SLCO3A1: variants seen among roughly 807,000 people sequenced by gnomAD.
SLCO3A1 encodes PGE1 transporter.
In SLCO3A1, 27 loss-of-function variants were observed where a neutral mutation model predicts 63.1. The ratio of observed to expected loss-of-function variants is 0.43; its 90% CI spans 0.32 to 0.59. The LOEUF (loss-of-function observed/expected upper bound fraction) is 0.59, where lower values mean the gene tolerates loss of function less well. Among genes scored for constraint, SLCO3A1 ranks in the 20% least tolerant of loss-of-function variants. The pLI, the probability that SLCO3A1 is intolerant of heterozygous loss-of-function variation, is 0.09. For missense variants in SLCO3A1, 773 were observed against 945.8 expected (o/e 0.82, Z 2.40); for synonymous variants, 473 against 409.9 (o/e 1.15, Z -1.86).
chr15:91,901,071 G>T (rs1286129928), intron 1 of SLCO3A1, among the ~76,000 whole-genome samples: 1 of 151,266 alleles, frequency 6.6e-6, no homozygotes. Flanking sequence ...TCTTTTTTTT[G>T]TTCCTTTGTT....
chr15:92,164,303 T>C lies in SLCO3A1; in HGVS notation c.*1168T>C. On this transcript the variant is annotated 3_prime_UTR_variant, in exon 10 of 10. Coordinates refer to ENST00000318445, the MANE Select transcript of SLCO3A1 (RefSeq NM_013272.4). ...TCTACAAAAACAAGAATATACAATG[T>C]GTTACAAGAAGAAAAAAAAATGCTT... 1.0e-6 allele frequency: 1 copy of C among 984,686 alleles called. No homozygotes were observed. The highest frequency in any genetic ancestry group is 1.2e-6 in the Non-Finnish European group (1 of 829,286). 61.0% of individuals were successfully genotyped at this position (984,686 alleles called of 1,614,324 possible).
chr15:92,015,769 TG>T (rs2046419155), intron 2 of SLCO3A1, among the ~76,000 whole-genome samples: 1 of 152,288 alleles, frequency 6.6e-6, no homozygotes, highest in African/African-American at 2.4e-5. Flanking sequence ...GTCCAGTCCC[TG>T]CTTGCTGGTG....
intron 2 of SLCO3A1, among the ~76,000 whole-genome samples, chr15:91,952,866 A>T (rs1900044501): frequency 6.6e-6 from 1 of 152,140 alleles, no homozygotes; most frequent in Non-Finnish European, 1.5e-5. Context: ...TGACCGCATC[A>T]CACTGCTGTG....
chr15:91,898,972 T>A (rs1597101539), intron 1 of SLCO3A1, among the ~76,000 whole-genome samples: 2 of 152,260 alleles, frequency 1.3e-5, no homozygotes, highest in East Asian at 3.9e-4. Context: ...TAGTTCTGTC[T>A]TTGGGATGAA....
At chr15:91,972,190 A>G (rs983507303) in intron 2 of SLCO3A1, among the ~76,000 whole-genome samples, 15 of 152,290 alleles carry the variant, frequency 9.8e-5, no homozygotes, top group African/African-American at 1.4e-4. Flanking sequence ...TTGAAGTCGT[A>G]TGGAGAAGTC....
chr15:91,895,797 G>A (rs751172213), intron 1 of SLCO3A1, among the ~76,000 whole-genome samples: 38 of 152,272 alleles, frequency 2.5e-4, no homozygotes, highest in African/African-American at 7.0e-4. Flanking sequence ...GGCATTTATC[G>A]TTACAGGTTA....
chr15:92,097,771 G>A (rs1169355608), intron 3 of SLCO3A1, among the ~76,000 whole-genome samples: 1 of 152,180 alleles, frequency 6.6e-6, no homozygotes, highest in East Asian at 1.9e-4. Flanking sequence ...TACCGGTAGA[G>A]GGCAGAAGAA....
At chr15:92,049,374 G>T (rs1408667778) in intron 2 of SLCO3A1, among the ~76,000 whole-genome samples, 1 of 152,160 alleles carries the variant, frequency 6.6e-6, no homozygotes, top group African/African-American at 2.4e-5. Context: ...TCAATAAGCG[G>T]TGTGTGTTCA....
intron 1 of SLCO3A1, among the ~76,000 whole-genome samples, chr15:91,878,435 A>G (rs1404447978): frequency 6.6e-6 from 1 of 152,166 alleles, no homozygotes; most frequent in Non-Finnish European, 1.5e-5. Flanking sequence ...TGTCCTTGGT[A>G]GTAGCCAAAT....
At chr15:91,961,175 C>G (rs567808914) in intron 2 of SLCO3A1, among the ~76,000 whole-genome samples, 1 of 152,296 alleles carries the variant, frequency 6.6e-6, no homozygotes, top group South Asian at 2.1e-4. Flanking sequence ...CAATTTATCT[C>G]CTAATTGCAT....
chr15:92,119,610 T>G (rs1242365086), intron 4 of SLCO3A1, among the ~76,000 whole-genome samples: 1 of 151,840 alleles, frequency 6.6e-6, no homozygotes, highest in Non-Finnish European at 1.5e-5. Context: ...GGGGTGGACC[T>G]GGGTGCAGGC....
chr15:92,050,935 A>G (rs113744651), intron 2 of SLCO3A1, among the ~76,000 whole-genome samples: 3,399 of 152,148 alleles, frequency 0.022, 116 homozygotes, highest in African/African-American at 0.078. Flanking sequence ...TTCCCTCCAC[A>G]GGTGACACTC....
chr15:92,074,512 G>C (rs935975916), intron 2 of SLCO3A1, among the ~76,000 whole-genome samples: 1 of 152,174 alleles, frequency 6.6e-6, no homozygotes, highest in Non-Finnish European at 1.5e-5. Context: ...CAGGTGATCT[G>C]CCCAGGTGAA....
chr15:92,163,608 C>G lies in SLCO3A1; in HGVS notation c.*473C>G, dbSNP rs1035394834. ...ACATTGCCAGATTAAGCACTAGTGA[C>G]ACACCCCGTGCCACCCTCTTCCTCC... On this transcript the variant is annotated 3_prime_UTR_variant, in exon 10 of 10. Coordinates refer to ENST00000318445, the MANE Select transcript of SLCO3A1 (RefSeq NM_013272.4). 1 of 984,396 alleles carries G rather than the reference C, an allele frequency of 1.0e-6. No individual in the cohort carries two copies. The highest frequency in any genetic ancestry group is 1.8e-5 in the African/African-American group (1 of 56,964). The allele number at this position is 984,396 out of a possible 1,614,324, so 61.0% of individuals were successfully genotyped here.
At chr15:92,157,067 C>T (rs1004456348) in intron 9 of SLCO3A1, 1 of 152,194 alleles carries the variant, frequency 6.6e-6, no homozygotes, top group Non-Finnish European at 1.5e-5. Flanking sequence ...ATATATATAG[C>T]TGCAATTTAA....
intron 2 of SLCO3A1, among the ~76,000 whole-genome samples, chr15:91,955,125 T>A (rs1900126172): frequency 6.6e-6 from 1 of 152,078 alleles, no homozygotes; most frequent in African/African-American, 2.4e-5. Context: ...CATTCCCACC[T>A]TCAGTCTTCA....
intron 9 of SLCO3A1, among the ~76,000 whole-genome samples, chr15:92,157,842 A>ACAAAAGCTCTGCCTGAAGG (rs1473231012): frequency 3.3e-5 from 5 of 152,194 alleles, no homozygotes; most frequent in Non-Finnish European, 5.9e-5. Flanking sequence ...TTGATTCTTT[A>ACAAAAGCTCTGCCTGAAGG]CAAAAGCTCT....
chr15:92,056,366 A>T (rs80013185), intron 2 of SLCO3A1, among the ~76,000 whole-genome samples: 1 of 148,432 alleles, frequency 6.7e-6, no homozygotes. Flanking sequence ...CCAAAAAAAA[A>T]TGGCTTTCTG....
intron 1 of SLCO3A1, among the ~76,000 whole-genome samples, chr15:91,857,046 G>C (rs866685669): frequency 3.3e-5 from 5 of 149,998 alleles, no homozygotes; most frequent in African/African-American, 9.8e-5. Context: ...GTGTGTGTGT[G>C]TGTGTGTGTG....
Sources: gnomAD v4.1 joint callset for allele counts (sites outside exome capture counted in the v4.1 genomes callset) on GRCh38, gnomAD v4.1.1 for gene constraint, MANE v1.5 for transcripts, NCBI Gene and HGNC (gene_info 2026-07-23, HGNC 2026-07-21) for gene names.